Variants in TMEM117 observed in about 807,000 individuals in gnomAD.
TMEM117 encodes transmembrane protein 117.
Under a neutral mutation model 52.4 loss-of-function variants are expected in TMEM117, and 27 were observed. That is an observed-to-expected ratio of 0.51 (90% CI 0.38 to 0.71). The LOEUF is 0.71. Ranked by LOEUF, TMEM117 falls within the 30% of genes least tolerant of loss-of-function variation. The probability of loss-of-function intolerance (pLI) is 0.00; values close to 1 mark genes in which losing one functional copy is unlikely to be tolerated. For synonymous variants in TMEM117, 215 were observed against 206.3 expected (o/e 1.04, Z -0.36); for missense variants, 556 against 630.5 (o/e 0.88, Z 1.26).
the TMEM117 span, among the ~76,000 whole-genome samples, chr12:43,801,304 A>G: frequency 6.6e-6 from 1 of 152,224 alleles, no homozygotes; most frequent in Non-Finnish European, 1.5e-5. Context: ...ACTAGTATCT[A>G]TGGAAAGCTA....
At chr12:44,140,545 G>T (rs892565593) in intron 3 of TMEM117, among the ~76,000 whole-genome samples, 2 of 152,020 alleles carry the variant, frequency 1.3e-5, no homozygotes, top group African/African-American at 4.8e-5. Context: ...CTTGTTTCTT[G>T]ACATCCTAGT....
At chr12:44,072,042 G>T (rs1213777753) in intron 3 of TMEM117, among the ~76,000 whole-genome samples, 2 of 152,134 alleles carry the variant, frequency 1.3e-5, no homozygotes, top group African/African-American at 4.8e-5. Flanking sequence ...CATTCAGGAG[G>T]CTTCCAGCTT....
intron 3 of TMEM117, among the ~76,000 whole-genome samples, chr12:44,098,030 G>T (rs971437499): frequency 2.6e-5 from 4 of 151,966 alleles, no homozygotes; most frequent in Admixed American, 2.6e-4. Flanking sequence ...GATGGATAAG[G>T]TCAGCTTTTG....
intron 4 of TMEM117, among the ~76,000 whole-genome samples, chr12:44,160,390 C>T (rs998602695): frequency 6.6e-6 from 1 of 152,110 alleles, no homozygotes; most frequent in African/African-American, 2.4e-5. Flanking sequence ...AGTTACAGTG[C>T]AGTACGATCC....
chr12:44,244,747 G>A (rs922659407), intron 5 of TMEM117, among the ~76,000 whole-genome samples: 14 of 151,748 alleles, frequency 9.2e-5, no homozygotes, highest in South Asian at 6.2e-4. Context: ...ACTGGTGATC[G>A]TATACAAAAA....
At chr12:44,372,753 T>G (rs1382007281) in intron 6 of TMEM117, among the ~76,000 whole-genome samples, 1 of 152,204 alleles carries the variant, frequency 6.6e-6, no homozygotes, top group African/African-American at 2.4e-5. Flanking sequence ...GATGTCACTT[T>G]CCATAGTTAA....
intron 3 of TMEM117, among the ~76,000 whole-genome samples, chr12:43,974,259 T>C (rs762190627): frequency 1.3e-5 from 2 of 152,208 alleles, no homozygotes; most frequent in Non-Finnish European, 2.9e-5. Context: ...CTAGAGAAAC[T>C]CTAATTGTAC....
At chr12:43,884,572 G>GTAGGA (rs1943957721) in intron 2 of TMEM117, among the ~76,000 whole-genome samples, 1 of 152,104 alleles carries the variant, frequency 6.6e-6, no homozygotes, top group Non-Finnish European at 1.5e-5. Flanking sequence ...GCTTTTCTTG[G>GTAGGA]TAGGGAAGGA....
At chr12:44,221,345 G>A (rs1409955310) in intron 5 of TMEM117, among the ~76,000 whole-genome samples, 1 of 152,126 alleles carries the variant, frequency 6.6e-6, no homozygotes, top group African/African-American at 2.4e-5. Context: ...AGAAGATTTT[G>A]TTGTTGCCTA....
intron 4 of TMEM117, among the ~76,000 whole-genome samples, chr12:44,154,096 C>T (rs1397817420): frequency 3.9e-5 from 6 of 152,030 alleles, no homozygotes; most frequent in Admixed American, 1.3e-4. Flanking sequence ...CCTGCCTCCA[C>T]GATCCTTCAC....
At chr12:44,027,981 G>A (rs1011747808) in intron 3 of TMEM117, among the ~76,000 whole-genome samples, 1 of 152,096 alleles carries the variant, frequency 6.6e-6, no homozygotes, top group Non-Finnish European at 1.5e-5. Flanking sequence ...CGAGGTGAGC[G>A]GATCACGAGG....
At chr12:43,843,109 G>A (rs1010634918) in intron 1 of TMEM117, among the ~76,000 whole-genome samples, 7 of 152,096 alleles carry the variant, frequency 4.6e-5, no homozygotes, top group South Asian at 2.1e-4. Context: ...AATGATACAC[G>A]CAGACATCCA....
At chr12:44,061,686 T>A in intron 3 of TMEM117, among the ~76,000 whole-genome samples, 1 of 152,152 alleles carries the variant, frequency 6.6e-6, no homozygotes, top group Non-Finnish European at 1.5e-5. Flanking sequence ...TTTATATCAA[T>A]GTTAGTGAAG....
At chr12:43,981,166 C>T (rs890147677) in intron 3 of TMEM117, among the ~76,000 whole-genome samples, 1 of 152,168 alleles carries the variant, frequency 6.6e-6, no homozygotes, top group South Asian at 2.1e-4. Context: ...CGATCTCCTA[C>T]ACCATGTCTA....
At chr12:43,944,111 G>GT (rs1346101738) in intron 2 of TMEM117, 99 bp from the exon 3 acceptor site, 1 of 1,087,926 alleles carries the variant, frequency 9.2e-7, no homozygotes, top group African/African-American at 1.6e-5. Flanking sequence ...AAAGACTTCA[G>GT]AATATAGTGA....
intron 5 of TMEM117, among the ~76,000 whole-genome samples, chr12:44,238,206 T>A (rs931510764): frequency 3.9e-5 from 6 of 151,956 alleles, no homozygotes; most frequent in Non-Finnish European, 4.4e-5. Flanking sequence ...GTTAAAAGAG[T>A]TGAGCATAGG....
intron 1 of TMEM117, among the ~76,000 whole-genome samples, chr12:43,843,372 AATC>A (rs1943147164): frequency 6.6e-6 from 1 of 152,226 alleles, no homozygotes. Flanking sequence ...AGATAGACAT[AATC>A]ATCCACTTAC....
At chr12:44,242,957 T>G (rs1490789436) in intron 5 of TMEM117, among the ~76,000 whole-genome samples, 1 of 151,932 alleles carries the variant, frequency 6.6e-6, no homozygotes, top group Admixed American at 6.6e-5. Context: ...CCATTCTGAC[T>G]TGTGTGGTAT....
intron 3 of TMEM117, among the ~76,000 whole-genome samples, chr12:44,125,128 G>A (rs746646064): frequency 2.0e-5 from 3 of 151,504 alleles, no homozygotes; most frequent in South Asian, 2.1e-4. Flanking sequence ...TTTTTGAGAC[G>A]GAGTCTTGCT....
Sources: allele counts gnomAD v4.1 joint callset (sites outside exome capture counted in the v4.1 genomes callset), GRCh38; gene constraint gnomAD v4.1.1; transcripts MANE v1.5; gene names NCBI Gene and HGNC (gene_info 2026-07-23, HGNC 2026-07-21).